Variants in AGBL4 observed in about 807,000 individuals in gnomAD.
AGBL4 encodes the protein AGBL carboxypeptidase 4.
A neutral mutation model predicts 66.4 loss-of-function variants in AGBL4; 58 were observed. That is an observed-to-expected ratio of 0.87 (90% CI 0.71 to 1.09). The LOEUF (loss-of-function observed/expected upper bound fraction) is 1.09. AGBL4 is among the 50% of genes least tolerant of loss of function. The probability of loss-of-function intolerance (pLI) is 0.00; values close to 1 mark genes in which losing one functional copy is unlikely to be tolerated. For missense variants in AGBL4, 579 were observed against 631.0 expected (o/e 0.92, Z 0.88); for synonymous variants, 234 against 222.9 (o/e 1.05, Z -0.44).
chr1:48,759,271 C>T (rs748136013), intron 6 of AGBL4: 5 of 1,557,638 alleles, frequency 3.2e-6, no homozygotes, highest in Non-Finnish European at 4.3e-6. Flanking sequence ...GCTCGGCTTC[C>T]GCCCCTCAGG....
chr1:49,705,203 T>C (rs1647185866), intron 2 of AGBL4, among the ~76,000 whole-genome samples: 1 of 152,204 alleles, frequency 6.6e-6, no homozygotes. Flanking sequence ...GAATAGTAGT[T>C]AACTCATGAT....
At chr1:48,534,983 T>A in intron 12 of AGBL4, 67 bp from the exon 13 acceptor site, 4 of 1,391,720 alleles carry the variant, frequency 2.9e-6, no homozygotes, top group African/African-American at 1.4e-5. Context: ...GTTGAAGAGG[T>A]GCTATTCATC....
At chr1:49,119,387 G>C (rs937314723) in intron 4 of AGBL4, among the ~76,000 whole-genome samples, 59 of 152,218 alleles carry the variant, frequency 3.9e-4, no homozygotes, top group African/African-American at 1.4e-3. Context: ...CAGAGATTCT[G>C]GTACATTGTG....
At chr1:49,386,767 G>C (rs1178473437) in intron 3 of AGBL4, among the ~76,000 whole-genome samples, 4 of 151,888 alleles carry the variant, frequency 2.6e-5, no homozygotes, top group Non-Finnish European at 4.4e-5. Flanking sequence ...ACAAAATTTA[G>C]CTCTATCATG....
intron 3 of AGBL4, among the ~76,000 whole-genome samples, chr1:49,380,241 C>T (rs1219100118): frequency 6.6e-6 from 1 of 152,104 alleles, no homozygotes; most frequent in African/African-American, 2.4e-5. Context: ...TGAGTGAACT[C>T]CCATTCACAG....
chr1:49,492,780 T>A (rs1045818853), intron 3 of AGBL4, among the ~76,000 whole-genome samples: 9 of 151,958 alleles, frequency 5.9e-5, no homozygotes, highest in Admixed American at 2.0e-4. Context: ...AGCAGAGCCC[T>A]GGTGTCATGG....
chr1:48,758,963 T>C, intron 6 of AGBL4: 1 of 1,606,136 alleles, frequency 6.2e-7, no homozygotes, highest in African/African-American at 1.3e-5. Flanking sequence ...AGCTCCTTCA[T>C]TTCAGACACA....
At chr1:49,050,005 C>T (rs1014747659) in intron 4 of AGBL4, among the ~76,000 whole-genome samples, 1 of 151,878 alleles carries the variant, frequency 6.6e-6, no homozygotes, top group African/African-American at 2.4e-5. Context: ...AGTCAAGGAC[C>T]TTTATGCTTA....
At chr1:50,007,130 C>T (rs1434276205) in intron 1 of AGBL4, among the ~76,000 whole-genome samples, 1 of 152,072 alleles carries the variant, frequency 6.6e-6, no homozygotes, top group Non-Finnish European at 1.5e-5. Context: ...TTTGTTTATG[C>T]AATCAGTGTT....
At position 49,195,452 on chromosome 1, in the gene AGBL4, T is replaced by C. The variant is rs186756347; in HGVS notation, c.377+50318A>G. The stretch of plus-strand genomic sequence containing the variant: ...ATATAAAATTCATGACTAACACTCT[T>C]TTTCTTTTAGCACTTTGAAAATGGG... On this transcript the variant is annotated intron_variant, in intron 4 of 13. Transcript: ENST00000371839. 4.7e-4 allele frequency among the ~76,000 whole-genome samples: 72 copies of C among 152,290 alleles called. 1 individual carries two copies. In the East Asian group the frequency reaches 0.01, roughly 22 times the overall value.
At chr1:48,698,235 T>C (rs1407176272) in intron 6 of AGBL4, among the ~76,000 whole-genome samples, 3 of 151,814 alleles carry the variant, frequency 2.0e-5, no homozygotes, top group Non-Finnish European at 4.4e-5. Context: ...AAAAGATCAG[T>C]GGGATGCAGG....
rs950304337 is a variant in AGBL4, at chr1:48,631,299, T to C, written c.951+3194A>G. On this transcript the variant is annotated intron_variant, in intron 9 of 13. Coordinates refer to ENST00000371839, the MANE Select transcript of AGBL4 (RefSeq NM_032785.4). ...CAGTGTTTGCAACTGGGCACAAAGA[T>C]GTCTGAAGTCAAATGTGAATTTGAA... Among the ~76,000 whole-genome samples the C allele has an allele frequency of 5.3e-5, 8 of 152,208 alleles. No homozygotes were observed. The East Asian group carries it at 1.5e-3, about 29-fold the overall frequency.
At chr1:48,936,402 G>A (rs1219755768) in intron 5 of AGBL4, among the ~76,000 whole-genome samples, 11 of 152,110 alleles carry the variant, frequency 7.2e-5, no homozygotes, top group Admixed American at 7.2e-4. Context: ...CAATCCACAG[G>A]CCAGGCAAAC....
At chr1:49,077,589 G>A (rs1448744362) in intron 4 of AGBL4, among the ~76,000 whole-genome samples, 2 of 152,074 alleles carry the variant, frequency 1.3e-5, no homozygotes, top group Non-Finnish European at 2.9e-5. Context: ...TTGTTAGTAA[G>A]GTATCTAGGT....
chr1:49,938,217 A>C (rs1240877472), intron 1 of AGBL4, among the ~76,000 whole-genome samples: 13 of 152,066 alleles, frequency 8.5e-5, no homozygotes, highest in African/African-American at 2.9e-4. Context: ...ACTACAAACA[A>C]CTCTACGCAA....
intron 4 of AGBL4, among the ~76,000 whole-genome samples, chr1:49,156,259 C>T (rs764563904): frequency 7.9e-5 from 12 of 152,086 alleles, no homozygotes; most frequent in South Asian, 2.1e-4. Context: ...TCACAATCCC[C>T]GATGCTAACA....
At position 48,637,093 on chromosome 1, in the gene AGBL4, T is replaced by C. The variant is rs529572144; in HGVS notation, c.840-2489A>G. ...CTTACAGGTTTATATCCATTTATAA[T>C]GCAGGACAATATTGTGAGTATTAAA... is the stretch of plus-strand genomic sequence containing the variant. On this transcript the variant is annotated intron_variant, in intron 8 of 13. Coordinates refer to ENST00000371839, the MANE Select transcript of AGBL4 (RefSeq NM_032785.4). Among the ~76,000 whole-genome samples, 7 of 152,346 alleles carry C rather than the reference T, an allele frequency of 4.6e-5. No individual in the cohort carries two copies. The East Asian group carries it at 1.2e-3, about 25-fold the overall frequency.
intron 9 of AGBL4, among the ~76,000 whole-genome samples, chr1:48,631,086 C>G (rs532630711): frequency 2.6e-5 from 4 of 152,332 alleles, no homozygotes; most frequent in African/African-American, 9.6e-5. Context: ...CTTGCTGATT[C>G]TCTGCTTGTT....
chr1:49,917,536 A>G (rs867481599), intron 1 of AGBL4, among the ~76,000 whole-genome samples: 2 of 152,232 alleles, frequency 1.3e-5, no homozygotes, highest in South Asian at 2.1e-4. Context: ...AGAGCTAACT[A>G]TCCTAAATAT....
Sources: allele counts gnomAD v4.1 joint callset (sites outside exome capture counted in the v4.1 genomes callset), GRCh38; gene constraint gnomAD v4.1.1; transcripts MANE v1.5; gene names NCBI Gene and HGNC (gene_info 2026-07-23, HGNC 2026-07-21).